PRB2: variants seen among roughly 807,000 people sequenced by gnomAD.
PRB2 encodes basic salivary proline-rich protein 2.
PRB2 carries 12 observed loss-of-function variants against 8.3 expected under a neutral mutation model. That is an observed-to-expected ratio of 1.45 (90% CI 0.93 to 2.35). PRB2 has a LOEUF of 2.35. Among genes scored for constraint, PRB2 ranks in the 30% most tolerant of loss-of-function variants. PRB2 has a pLI of 0.00. For missense variants in PRB2, 470 were observed against 507.0 expected, an observed-to-expected ratio of 0.93 and a Z score of 0.70; for synonymous variants, 146 against 180.0, an observed-to-expected ratio of 0.81 and a Z score of 1.51.
chr12:11,393,585 G>A lies in PRB2; in HGVS notation c.493C>T (p.Gln165Ter), dbSNP rs535050686. The A allele has an allele frequency of 1.5e-4, 231 of 1,593,012 alleles. 4 individuals carry two copies. The South Asian group carries it at 2.3e-3, about 16-fold the overall frequency. ...PPGKPQGPPP[Q>*]GDNKSRSSRS... ...GAACTTCGGGACTTGTTGTCTCCTT[G>A]TGGGGGTGGTCCTTGTGGCTTTCCT... The change falls in exon 3 of 4, where the codon CAA (glutamine) becomes TAA (stop). Residue 165 changes from glutamine (Q) to a stop codon, truncating the protein, a stop_gained. Transcript: ENST00000389362. LOFTEE classifies it low-confidence loss of function (END_TRUNC).
rs780340249 is a variant in PRB2, at chr12:11,393,887, C to G, written c.191G>C (p.Gly64Ala). 1.5e-5 allele frequency: 22 copies of G among 1,468,646 alleles called. No individual in the cohort carries two copies. Among genetic ancestry groups the G allele is most frequent in the Non-Finnish European group, 2.0e-5 (22 of 1,101,960 alleles). The allele number at this position is 1,468,646 out of a possible 1,614,324, so 91.0% of individuals were successfully genotyped here. A position where few individuals can be genotyped will look rare whatever the true frequency, so the allele number is the denominator to read the frequency against. ...TGGGGGACCTTGAGGCTGGTTGCCT[C>G]CTTGTGGGGGTGGTCCTTGTGGCTT... ...PGKPQGPPPQ[G>A]GNQPQGPPPP... Residue 64 changes from glycine (G) to alanine (A), a missense_variant, in exon 3 of 4, where the codon GGA becomes GCA. Gly to Ala is a moderately conservative substitution (Grantham distance 60). Around this residue, in one of 4 missense-constraint regions of PRB2, gnomAD observed 211 missense variants for 207.7 expected, o/e 1.02. Transcript: ENST00000389362.
intron 2 of PRB2, 33 bp downstream of exon 2, chr12:11,394,462 G>C: frequency 6.2e-7 from 1 of 1,607,828 alleles, no homozygotes; most frequent in Non-Finnish European, 8.5e-7. Flanking sequence ...GAAAAAGACA[G>C]TCAGAACAGA....
chr12:11,394,048 AT>A, intron 2 of PRB2, 71 bp from the exon 3 acceptor site: 4 of 1,596,228 alleles, frequency 2.5e-6, no homozygotes, highest in Non-Finnish European at 3.4e-6. Flanking sequence ...GTTGCAGTAA[AT>A]TTTTATCAGT....
rs1044431006 is a variant in PRB2, at chr12:11,394,054, A to G, written c.101-77T>C. The G allele has an allele frequency of 2.2e-5, 35 of 1,588,314 alleles. 1 individual carries two copies. The highest frequency in any genetic ancestry group is 2.8e-5 in the Non-Finnish European group (32 of 1,159,124). On this transcript the variant is annotated intron_variant, in intron 2 of 3. Coordinates refer to ENST00000389362, the MANE Select transcript of PRB2 (RefSeq NM_006248.4). The stretch of plus-strand genomic sequence containing the variant: ...CCCTGAATAGTTGCAGTAAATTTTT[A>G]TCAGTTTGGGTAACAAGCTGAGTGG...
intron 2 of PRB2, among the ~76,000 whole-genome samples, chr12:11,394,189 T>G (rs1448570708): frequency 6.6e-6 from 1 of 152,074 alleles, no homozygotes; most frequent in South Asian, 2.1e-4. Context: ...GGGCCTCTCA[T>G]TATAAAGAGG....
At chr12:11,394,575 C>A in intron 1 of PRB2, 45 bp from the exon 2 acceptor site, 1 of 1,601,258 alleles carries the variant, frequency 6.2e-7, no homozygotes, top group Non-Finnish European at 8.6e-7. Context: ...CATCTTGAAC[C>A]TTACAAGACT....
At chr12:11,394,110 AATTTCTTTGC>A (rs1256614039) in intron 2 of PRB2, 133 bp from the exon 3 acceptor site, 1 of 1,287,680 alleles carries the variant, frequency 7.8e-7, no homozygotes, top group East Asian at 2.3e-5. Flanking sequence ...CCAAGACATT[AATTTCTTTGC>A]ATTTCAGTGA....
chr12:11,392,667 A>G, intron 3 of PRB2, 127 bp downstream of exon 3: 1 of 489,248 alleles, frequency 2.0e-6, no homozygotes, highest in Admixed American at 4.9e-5. Context: ...ATATGTCAAT[A>G]CAAATCTTTA....
chr12:11,394,864 T>C (rs957125170), intron 1 of PRB2, among the ~76,000 whole-genome samples: 2 of 152,156 alleles, frequency 1.3e-5, no homozygotes, highest in African/African-American at 2.4e-5. Context: ...TATAAATACA[T>C]TGCTTATGTA....
At chr12:11,394,616 T>C in intron 1 of PRB2, 86 bp from the exon 2 acceptor site, 1 of 1,498,298 alleles carries the variant, frequency 6.7e-7, no homozygotes, top group South Asian at 1.1e-5. Context: ...AACAGACTTC[T>C]CACCACACCC....
chr12:11,395,158 C>A (rs1864389890), intron 1 of PRB2, among the ~76,000 whole-genome samples: 1 of 152,064 alleles, frequency 6.6e-6, no homozygotes, highest in African/African-American at 2.4e-5. Flanking sequence ...AGTTTAGGAT[C>A]TTCACAGCTG....
chr12:11,393,157 T>A lies in PRB2; in HGVS notation c.921A>T (p.Pro307=). Residue 307 remains proline (P), a synonymous_variant, in exon 3 of 4, where the codon CCA becomes CCT. Coordinates refer to ENST00000389362, the MANE Select transcript of PRB2 (RefSeq NM_006248.4). The part of the protein sequence containing the change: ...SRSPPGKPQG[P]PPQGGNQPQG... ...GAGGCTGGTTGCCTCCTTGTGGGGG[T>A]GGTCCTTGTGGCTTTCCTGGAGGAG... 2 of 1,595,612 alleles carry A rather than the reference T, an allele frequency of 1.3e-6. No homozygotes were observed. The highest frequency in any genetic ancestry group is 1.7e-6 in the Non-Finnish European group (2 of 1,175,672).
rs7297470 is a variant in PRB2 at position 11,394,053 on chromosome 12, T to C, written c.101-76A>G. Reference sequence around the variant, plus strand: ...TCCCTGAATAGTTGCAGTAAATTTTTATCAGTTTGGGTAACAAGCTGAGTG... The same window carrying C: ...TCCCTGAATAGTTGCAGTAAATTTTCATCAGTTTGGGTAACAAGCTGAGTG... On this transcript the variant is annotated intron_variant, in intron 2 of 3. Transcript: ENST00000389362. 36,688 of 1,589,964 alleles carry C rather than the reference T, an allele frequency of 0.023. 3,336 individuals are homozygous for C. The African/African-American group carries it at 0.28, about 12-fold the overall frequency.
chr12:11,392,807 C>G lies in PRB2; in HGVS notation c.*20G>C. ...CTGGAATCATACCTGTCATTGAATCCTAGATGACTGGGGAGGCTGTCACTG... is the reference window on the plus strand; with the variant it reads ...CTGGAATCATACCTGTCATTGAATCGTAGATGACTGGGGAGGCTGTCACTG... On this transcript the variant is annotated 3_prime_UTR_variant, in exon 3 of 4. Transcript: ENST00000389362. 1 of 1,466,520 alleles carries G rather than the reference C, an allele frequency of 6.8e-7. No homozygotes were observed. Among genetic ancestry groups the G allele is most frequent in the Non-Finnish European group, 9.1e-7 (1 of 1,101,520 alleles). 90.8% of individuals were successfully genotyped at this position (1,466,520 alleles called of 1,614,324 possible).
rs1335154669 is a variant in PRB2, at chr12:11,394,586, C to T, written c.65-56G>A. The T allele has an allele frequency of 4.4e-6, 7 of 1,590,966 alleles. No individual in the cohort carries two copies. In the African/African-American group the frequency reaches 5.4e-5, roughly 12 times the overall value. On this transcript the variant is annotated intron_variant, in intron 1 of 3. Coordinates refer to ENST00000389362, the MANE Select transcript of PRB2 (RefSeq NM_006248.4). Reference sequence around the variant, plus strand: ...GTTACATCTTGAACCTTACAAGACTCACAAGTGTTCTACAGGGAAAACAGA... The same window carrying T: ...GTTACATCTTGAACCTTACAAGACTTACAAGTGTTCTACAGGGAAAACAGA...
chr12:11,394,127 G>T, intron 2 of PRB2, 150 bp from the exon 3 acceptor site: 2 of 1,201,360 alleles, frequency 1.7e-6, no homozygotes, highest in South Asian at 1.4e-5. Context: ...TTGCATTTCA[G>T]TGAAGACATA....
chr12:11,395,461 T>C lies in PRB2; in HGVS notation c.64+5A>G. The stretch of plus-strand genomic sequence containing the variant: ...TCACCACATCTTCTCCCCCTTCTGT[T>C]TTACCTTCATTTAAGTTCTGAGCTG... On this transcript the variant is annotated splice_donor_5th_base_variant and intron_variant, in intron 1 of 3. Transcript: ENST00000389362. 1 of 1,613,748 alleles carries C rather than the reference T, an allele frequency of 6.2e-7. No homozygotes were observed.
Position 11,393,607 on chromosome 12 carries a change from T to G in PRB2, c.471A>C (p.Gly157=). ...GNKPQGPPPP[G]KPQGPPPQGD... is the part of the protein sequence containing the mutation. ...CTTGTGGGGGTGGTCCTTGTGGCTT[T>G]CCTGGAGGTGGGGGACCTTGAGGTT... is the stretch of plus-strand genomic sequence containing the variant. The change falls in exon 3 of 4, where the codon GGA becomes GGC. Residue 157 remains glycine (G), a synonymous_variant. Transcript: ENST00000389362. 1.9e-6 allele frequency: 3 copies of G among 1,567,764 alleles called. No individual in the cohort carries two copies. The highest frequency in any genetic ancestry group is 2.6e-6 in the Non-Finnish European group (3 of 1,159,288).
intron 2 of PRB2, 144 bp downstream of exon 2, chr12:11,394,351 G>C (rs1031061976): frequency 9.5e-6 from 10 of 1,054,084 alleles, no homozygotes; most frequent in Middle Eastern, 2.0e-4. Flanking sequence ...AATCAAGGTT[G>C]CATGAAGAGT....
Sources: gnomAD v4.1 joint callset for allele counts (sites outside exome capture counted in the v4.1 genomes callset) on GRCh38, gnomAD v4.1.1 for gene constraint, gnomAD v4.1.1 regional missense constraint, MANE v1.5 for transcripts, NCBI Gene and HGNC (gene_info 2026-07-23, HGNC 2026-07-21) for gene names.